Variants in DOCK2 observed in about 807,000 individuals in gnomAD.
DOCK2 encodes dedicator of cytokinesis 2.
Under a neutral mutation model 248.9 loss-of-function variants are expected in DOCK2, and 87 were observed. The observed-to-expected ratio is 0.35, with a 90% CI of 0.29 to 0.42. DOCK2 has a LOEUF of 0.42. DOCK2 is among the 10% of genes least tolerant of loss of function. The pLI, the probability that DOCK2 is intolerant of heterozygous loss-of-function variation, is 1.00. For synonymous variants in DOCK2, 805 were observed against 821.6 expected (o/e 0.98, Z 0.35); for missense variants, 1,747 against 2,300.2 (o/e 0.76, Z 4.92).
chr5:170,059,733 C>T (rs1162067919), intron 44 of DOCK2, among the ~76,000 whole-genome samples: 20 of 152,184 alleles, frequency 1.3e-4, no homozygotes, highest in Admixed American at 1.3e-3. Context: ...CTAAAGAATA[C>T]TTACATAAAT....
chr5:170,003,380 T>G (rs533247734), intron 30 of DOCK2, among the ~76,000 whole-genome samples: 38 of 152,376 alleles, frequency 2.5e-4, no homozygotes, highest in African/African-American at 8.7e-4. Flanking sequence ...CATGTGCTCT[T>G]GACTACCAGA....
intron 27 of DOCK2, among the ~76,000 whole-genome samples, chr5:169,853,961 G>A (rs1352605965): frequency 2.1e-5 from 3 of 144,012 alleles, no homozygotes; most frequent in East Asian, 2.1e-4. Flanking sequence ...TCAGCCTCCC[G>A]AGTAGCTGGG....
intron 13 of DOCK2, among the ~76,000 whole-genome samples, chr5:169,700,914 A>T (rs912543532): frequency 7.1e-6 from 1 of 140,498 alleles, no homozygotes; most frequent in African/African-American, 2.7e-5. Context: ...GAAAGGAAGG[A>T]ACGAAAGAAA....
chr5:169,765,016 T>C (rs1764686576), intron 25 of DOCK2, among the ~76,000 whole-genome samples: 1 of 151,652 alleles, frequency 6.6e-6, no homozygotes, highest in South Asian at 2.1e-4. Context: ...TACATAGTTT[T>C]GGACACTTGA....
chr5:170,044,711 G>A (rs1395644140), intron 38 of DOCK2, among the ~76,000 whole-genome samples: 1 of 152,086 alleles, frequency 6.6e-6, no homozygotes, highest in Admixed American at 6.5e-5. Context: ...TTACAGCCGT[G>A]GCTTCTCCAC....
intron 27 of DOCK2, among the ~76,000 whole-genome samples, chr5:169,901,601 G>A (rs944111647): frequency 7.2e-5 from 11 of 152,302 alleles, no homozygotes; most frequent in African/African-American, 1.2e-4. Context: ...CATGATGATG[G>A]CAAGGTGGTA....
intron 43 of DOCK2, 50 bp downstream of exon 43, chr5:170,056,818 C>A (rs1406611208): frequency 1.3e-6 from 2 of 1,541,458 alleles, no homozygotes; most frequent in Non-Finnish European, 1.8e-6. Flanking sequence ...CCTGGAGGAA[C>A]CAGAGCATGC....
Position 169,880,862 on chromosome 5 carries a change from A to C in DOCK2, c.2799+40010A>C, listed in dbSNP as rs528257412. 2.0e-5 allele frequency among the ~76,000 whole-genome samples: 3 copies of C among 152,346 alleles called. No individual in the cohort carries two copies. In the East Asian group the frequency reaches 5.8e-4, roughly 29 times the overall value. ...TGCAGCAAACTTACTCTGTGCTAGA[A>C]GGAAATGACATACTTAGAAATGAAC... On this transcript the variant is annotated intron_variant, in intron 27 of 51. Coordinates refer to ENST00000520908, the MANE Select transcript of DOCK2 (RefSeq NM_004946.3).
chr5:169,865,236 G>A (rs563075771), intron 27 of DOCK2, among the ~76,000 whole-genome samples: 2 of 152,238 alleles, frequency 1.3e-5, no homozygotes, highest in East Asian at 1.9e-4. Context: ...ATTAACATAC[G>A]GACTGCATTG....
At chr5:169,761,449 C>T in intron 24 of DOCK2, 70 bp from the exon 25 acceptor site, 1 of 1,303,998 alleles carries the variant, frequency 7.7e-7, no homozygotes, top group Non-Finnish European at 1.1e-6. Context: ...CAGGGATGGA[C>T]TGTAAGTGCT....
chr5:169,787,300 C>T (rs1766046029), intron 25 of DOCK2, among the ~76,000 whole-genome samples: 2 of 152,136 alleles, frequency 1.3e-5, no homozygotes, highest in African/African-American at 4.8e-5. Context: ...ATCATTCCAC[C>T]TTGTCTTGGG....
intron 5 of DOCK2, among the ~76,000 whole-genome samples, chr5:169,674,035 A>C (rs965051358): frequency 6.6e-6 from 1 of 152,262 alleles, no homozygotes; most frequent in Non-Finnish European, 1.5e-5. Context: ...ATATCTTTTT[A>C]GATAAAGTCA....
intron 43 of DOCK2, chr5:170,057,302 T>A (rs1309696449): frequency 2.1e-6 from 1 of 482,946 alleles, no homozygotes; most frequent in East Asian, 4.1e-5. Flanking sequence ...AGAAAACAAA[T>A]GGACACATTC....
Position 169,906,822 on chromosome 5 carries a change from G to A in DOCK2, c.2799+65970G>A, listed in dbSNP as rs115914003. 2.4e-3 allele frequency among the ~76,000 whole-genome samples: 367 copies of A among 152,294 alleles called. 1 individual carries two copies. Among genetic ancestry groups the A allele is most frequent in the African/African-American group, 8.6e-3 (359 of 41,566 alleles). ...GGTTTAAGCTCTGGAAAGTCTATAG[G>A]GAAATTAGGGCCTGAAGTAGAAAGA... On this transcript the variant is annotated intron_variant, in intron 27 of 51. Coordinates refer to ENST00000520908, the MANE Select transcript of DOCK2 (RefSeq NM_004946.3).
chr5:169,834,590 A>G (rs1212237150), intron 26 of DOCK2, among the ~76,000 whole-genome samples: 4 of 91,916 alleles, frequency 4.4e-5, no homozygotes, highest in African/African-American at 1.9e-4. Context: ...CCCTACTCAC[A>G]TGCTCAGTCA....
chr5:169,932,580 G>A (rs1186202414), intron 27 of DOCK2, among the ~76,000 whole-genome samples: 8 of 152,138 alleles, frequency 5.3e-5, no homozygotes, highest in Non-Finnish European at 8.8e-5. Context: ...GACCTGGGAC[G>A]CTTGACACTG....
intron 32 of DOCK2, among the ~76,000 whole-genome samples, chr5:170,018,576 C>T (rs141424518): frequency 5.3e-5 from 8 of 152,352 alleles, no homozygotes; most frequent in African/African-American, 1.9e-4. Context: ...TTTAAAAACT[C>T]TCAGCAACAC....
At chr5:169,902,641 T>C (rs1773992919) in intron 27 of DOCK2, among the ~76,000 whole-genome samples, 1 of 152,206 alleles carries the variant, frequency 6.6e-6, no homozygotes, top group South Asian at 2.1e-4. Flanking sequence ...GTTCCTGGCA[T>C]GATGCTGAGT....
intron 27 of DOCK2, among the ~76,000 whole-genome samples, chr5:169,904,800 C>G (rs1007926271): frequency 6.6e-6 from 1 of 152,198 alleles, no homozygotes; most frequent in African/African-American, 2.4e-5. Context: ...GTTTGCTAAT[C>G]CCCAAGTCAC....
Sources: allele counts gnomAD v4.1 joint callset (sites outside exome capture counted in the v4.1 genomes callset), GRCh38; gene constraint gnomAD v4.1.1; transcripts MANE v1.5; gene names NCBI Gene and HGNC (gene_info 2026-07-23, HGNC 2026-07-21).